PDE6B: variants seen among roughly 807,000 people sequenced by gnomAD.
PDE6B encodes rod cGMP-specific 3',5'-cyclic phosphodiesterase subunit beta.
In PDE6B, 106 loss-of-function variants were observed where a neutral mutation model predicts 109.0. That is an observed-to-expected ratio of 0.97 (90% CI 0.83 to 1.14). The LOEUF is 1.14. Among genes scored for constraint, PDE6B ranks in the 50% most tolerant of loss-of-function variants. PDE6B has a pLI of 0.00. For synonymous variants in PDE6B, 490 were observed against 471.3 expected, an observed-to-expected ratio of 1.04 and a Z score of -0.51; for missense variants, 1,193 against 1,155.6, an observed-to-expected ratio of 1.03 and a Z score of -0.47.
At chr4:667,811 G>A (rs1173356466) in intron 20 of PDE6B, 45 bp from the exon 21 acceptor site, 2 of 1,597,778 alleles carry the variant, frequency 1.3e-6, no homozygotes, top group Admixed American at 3.3e-5. Flanking sequence ...ACTCTGGAGA[G>A]AGCAGGCAGG....
intron 1 of PDE6B, among the ~76,000 whole-genome samples, chr4:627,050 C>G (rs144655002): frequency 2.6e-5 from 4 of 152,338 alleles, no homozygotes; most frequent in Non-Finnish European, 5.9e-5. Context: ...GCTGGATGAG[C>G]CTTGGGAATT....
chr4:669,769 T>C (rs945445978), intron 21 of PDE6B, among the ~76,000 whole-genome samples: 3 of 140,992 alleles, frequency 2.1e-5, no homozygotes, highest in Non-Finnish European at 4.6e-5. Context: ...CCCCATGCTA[T>C]CCCCCTACCC....
chr4:652,552 C>T lies in PDE6B; in HGVS notation c.712-1300C>T, dbSNP rs999342596. 69 of 941,684 alleles carry T rather than the reference C, an allele frequency of 7.3e-5. 1 individual carries two copies. In the African/African-American group the frequency reaches 1.0e-3, roughly 14 times the overall value. The allele number at this position is 941,684 out of a possible 1,614,324, so 58.3% of individuals were successfully genotyped here. A position where few individuals can be genotyped will look rare whatever the true frequency, so the allele number is the denominator to read the frequency against. The stretch of plus-strand genomic sequence containing the variant: ...CGTTAACCACAGTACACAGGGTGCT[C>T]GGTAAGTGCAGTTCTGCTTCCGAGG... On this transcript the variant is annotated intron_variant, in intron 3 of 21. Coordinates refer to ENST00000496514, the MANE Select transcript of PDE6B (RefSeq NM_000283.4).
chr4:647,727 CACGCA>C (rs1462579390), intron 3 of PDE6B, among the ~76,000 whole-genome samples: 1 of 151,962 alleles, frequency 6.6e-6, no homozygotes, highest in Admixed American at 6.6e-5. Flanking sequence ...GGGGGAGGGG[CACGCA>C]ATCTAGTACA....
Position 634,836 on chromosome 4 carries a change from G to GC in PDE6B, c.621+7_621+8insC. On this transcript the variant is annotated splice_region_variant and intron_variant, in intron 2 of 21. Transcript: ENST00000496514. ...CACCAGCGAAGACGAAGATGTGAGT[G>GC]TGGGGGGCACCTGGGCAGCCGCGCG... 1 of 1,613,332 alleles carries GC rather than the reference G, an allele frequency of 6.2e-7. No individual in the cohort carries two copies. The highest frequency in any genetic ancestry group is 1.1e-5 in the South Asian group (1 of 91,058).
At chr4:657,083 C>G in intron 9 of PDE6B, 60 bp downstream of exon 9, 1 of 1,532,842 alleles carries the variant, frequency 6.5e-7, no homozygotes, top group Non-Finnish European at 9.0e-7. Flanking sequence ...GGGGCCTGTG[C>G]GGTGTGGGGG....
intron 3 of PDE6B, among the ~76,000 whole-genome samples, chr4:641,255 G>T (rs994473965): frequency 6.6e-6 from 1 of 152,172 alleles, no homozygotes; most frequent in African/African-American, 2.4e-5. Flanking sequence ...AATTTTATTA[G>T]ATTTGTACCT....
At chr4:627,655 C>A (rs947915978) in intron 1 of PDE6B, among the ~76,000 whole-genome samples, 1 of 148,292 alleles carries the variant, frequency 6.7e-6, no homozygotes, top group African/African-American at 2.5e-5. Context: ...GCTCCTCCCT[C>A]CCCCCGTTCC....
At position 660,575 on chromosome 4, in the gene PDE6B, G is replaced by C; in HGVS notation, c.1576G>C (p.Glu526Gln). The change falls in exon 12 of 22, where the codon GAG (glutamate) becomes CAG (glutamine). Residue 526 changes from glutamate (E) to glutamine (Q), a missense_variant. Coordinates refer to ENST00000496514, the MANE Select transcript of PDE6B (RefSeq NM_000283.4). ...CAAATGTGGCATCCAGATGTACTAC[G>C]AGCTGGGCGTGGTCCGAAAGTTCCA... ...LVKCGIQMYY[E>Q]LGVVRKFQIP... The C allele has an allele frequency of 1.9e-6, 3 of 1,613,804 alleles. No individual in the cohort carries two copies. Among genetic ancestry groups the C allele is most frequent in the East Asian group, 2.2e-5 (1 of 44,866 alleles).
intron 3 of PDE6B, among the ~76,000 whole-genome samples, chr4:638,321 T>TTTTA (rs1465522783): frequency 2.0e-5 from 3 of 152,132 alleles, no homozygotes; most frequent in Non-Finnish European, 4.4e-5. Context: ...TTTGTTTTTA[T>TTTTA]TTTATTTATT....
intron 11 of PDE6B, 145 bp downstream of exon 11, chr4:659,162 T>A (rs920550979): frequency 1.8e-5 from 13 of 705,558 alleles, no homozygotes; most frequent in Admixed American, 1.2e-4. Context: ...CTTGTGTATC[T>A]AAGCACCTTA....
intron 3 of PDE6B, among the ~76,000 whole-genome samples, chr4:646,897 G>A (rs1577258555): frequency 6.6e-6 from 1 of 151,602 alleles, no homozygotes; most frequent in African/African-American, 2.4e-5. Flanking sequence ...TTGCTCTGTG[G>A]CCCTGGCTGG....
rs1027536172 is a variant in PDE6B at position 664,054 on chromosome 4, G to A, written c.2022-60G>A. 1.1e-5 allele frequency: 14 copies of A among 1,283,190 alleles called. No homozygotes were observed. In the East Asian group the frequency reaches 1.6e-4, roughly 15 times the overall value. The allele number at this position is 1,283,190 out of a possible 1,614,324, so 79.5% of individuals were successfully genotyped here. On this transcript the variant is annotated intron_variant, in intron 16 of 21. Coordinates refer to ENST00000496514, the MANE Select transcript of PDE6B (RefSeq NM_000283.4). The stretch of plus-strand genomic sequence containing the variant: ...GCTCCGCGCCTCCCTGCAGACGGGC[G>A]CTTGGGGCGGGGTCTCCACACTTGC...
intron 1 of PDE6B, among the ~76,000 whole-genome samples, chr4:634,183 G>A (rs1734527614): frequency 6.6e-6 from 1 of 152,154 alleles, no homozygotes; most frequent in African/African-American, 2.4e-5. Context: ...TGGTTAAAGT[G>A]TCCGACGAAC....
Position 665,241 on chromosome 4 carries a change from T to C in PDE6B, c.2194-14T>C, listed in dbSNP as rs760338267. 1.9e-6 allele frequency: 3 copies of C among 1,600,778 alleles called. No homozygotes were observed. In the Admixed American group the frequency reaches 5.0e-5, roughly 27 times the overall value. On this transcript the variant is annotated splice_polypyrimidine_tract_variant and intron_variant, in intron 18 of 21. Transcript: ENST00000496514. The surrounding 1 kb of genome is among the most constrained non-coding windows in gnomAD (Gnocchi z 4.0). ...CTCAGAGCTCCACAGACAGCTGCCT[T>C]CCTGTGCCTCCAGGTCGCACTTCTC... is the stretch of plus-strand genomic sequence containing the variant.
chr4:670,239 ATTTTTTTT>A lies in PDE6B; in HGVS notation c.*146_*153del. ...ACTGAAGATCATTCTGGATATTTTA[ATTTTTTTT>A]TTTTTTTTTTTTTGAGATGGAGTCT... On this transcript the variant is annotated 3_prime_UTR_variant, in exon 22 of 22. Transcript: ENST00000496514. The A allele has an allele frequency of 9.3e-6, 8 of 862,976 alleles. No individual in the cohort carries two copies. The highest frequency in any genetic ancestry group is 1.3e-5 in the Non-Finnish European group (8 of 616,898). The allele number at this position is 862,976 out of a possible 1,614,324, so 53.5% of individuals were successfully genotyped here.
intron 1 of PDE6B, among the ~76,000 whole-genome samples, chr4:627,241 G>A (rs931985449): frequency 7.9e-5 from 12 of 151,520 alleles, no homozygotes; most frequent in South Asian, 2.1e-4. Context: ...CGTCTCCCAC[G>A]TTCAAGCGAT....
At chr4:645,893 C>T (rs534857798) in intron 3 of PDE6B, among the ~76,000 whole-genome samples, 72 of 152,132 alleles carry the variant, frequency 4.7e-4, no homozygotes, top group South Asian at 2.7e-3. Context: ...GCTATCTTAC[C>T]ACAATGTACC....
intron 4 of PDE6B, 25 bp downstream of exon 4, chr4:654,017 C>A: frequency 2.5e-6 from 4 of 1,613,718 alleles, no homozygotes; most frequent in Non-Finnish European, 3.4e-6. Flanking sequence ...GCTCAGGGAC[C>A]CCCTGCCTGG....
Sources: gnomAD v4.1 joint callset for allele counts (sites outside exome capture counted in the v4.1 genomes callset) on GRCh38, gnomAD v4.1.1 for gene constraint, Gnocchi (gnomAD v3.1) non-coding constraint, MANE v1.5 for transcripts, NCBI Gene and HGNC (gene_info 2026-07-23, HGNC 2026-07-21) for gene names.